The following RNF152 variants were observed in gnomAD, a reference collection of about 807,000 sequenced individuals.
RNF152 encodes the protein E3 ubiquitin-protein ligase RNF152.
In RNF152, 11 loss-of-function variants were observed where a neutral mutation model predicts 12.7. The observed-to-expected ratio is 0.86, with a 90% confidence interval of 0.54 to 1.43. The LOEUF is 1.43. RNF152 is among the 40% of genes most tolerant of loss of function. The pLI is 0.00. For synonymous variants in RNF152, 113 were observed against 120.3 expected (o/e 0.94, Z 0.40); for missense variants, 255 against 274.8 (o/e 0.93, Z 0.51).
chr18:61,838,061 A>C (rs1451188542), intron 1 of RNF152, among the ~76,000 whole-genome samples: 1 of 152,218 alleles, frequency 6.6e-6, no homozygotes. Context: ...CCGTCCCCAC[A>C]TACAAAGGTA....
At chr18:61,852,008 C>A (rs988826736) in intron 1 of RNF152, among the ~76,000 whole-genome samples, 1 of 152,156 alleles carries the variant, frequency 6.6e-6, no homozygotes, top group African/African-American at 2.4e-5. Context: ...CAAATGACGT[C>A]ACCTACTGTC....
chr18:61,848,220 T>C (rs894950336), intron 1 of RNF152, among the ~76,000 whole-genome samples: 6 of 152,114 alleles, frequency 3.9e-5, no homozygotes, highest in African/African-American at 1.4e-4. Context: ...GAGCGGGCTC[T>C]TACTAACTCT....
chr18:61,844,077 GGAAAGAAAGAAAGAAAGAAA>G (rs35978592), intron 1 of RNF152, among the ~76,000 whole-genome samples: 1,157 of 68,486 alleles, frequency 0.017, 12 homozygotes, highest in Middle Eastern at 0.053. Flanking sequence ...CAGAAAGAAA[GGAAAGAAAGAAAGAAAGAAA>G]GAAAGAAAGA....
intron 1 of RNF152, among the ~76,000 whole-genome samples, chr18:61,891,570 C>G (rs1912962516): frequency 1.3e-5 from 2 of 152,256 alleles, no homozygotes; most frequent in South Asian, 4.1e-4. Flanking sequence ...TCAAAAATAC[C>G]TCTATCTTAG....
At chr18:61,841,922 T>C (rs4389228) in intron 1 of RNF152, among the ~76,000 whole-genome samples, 58,002 of 152,086 alleles carry the variant, frequency 0.38, 12,294 homozygotes, top group Non-Finnish European at 0.49. Flanking sequence ...TCTACCACTG[T>C]AACAGAAAGC....
intron 1 of RNF152, among the ~76,000 whole-genome samples, chr18:61,890,953 A>G (rs933703313): frequency 6.6e-6 from 1 of 152,212 alleles, no homozygotes; most frequent in Non-Finnish European, 1.5e-5. Context: ...CTGGATGACC[A>G]TATTTTCTCT....
chr18:61,887,413 A>G (rs1463959076), intron 1 of RNF152, among the ~76,000 whole-genome samples: 2 of 151,936 alleles, frequency 1.3e-5, no homozygotes, highest in Non-Finnish European at 2.9e-5. Context: ...GAGCAGAAAC[A>G]GCAATAGTAA....
rs1374979312 is a variant in RNF152, at chr18:61,815,790, C to G, written c.*62G>C. ...TTGCCCCCCATCTTCTCACTGGGAT[C>G]TCATCATCAACCTGCTCAACCCCTA... On this transcript the variant is annotated 3_prime_UTR_variant, in exon 2 of 2. Coordinates refer to ENST00000312828, the MANE Select transcript of RNF152 (RefSeq NM_173557.3). 6.4e-7 allele frequency: 1 copy of G among 1,562,180 alleles called. No individual in the cohort carries two copies. The highest frequency in any genetic ancestry group is 1.2e-5 in the South Asian group (1 of 82,888).
intron 1 of RNF152, among the ~76,000 whole-genome samples, chr18:61,826,544 T>C (rs1208646261): frequency 1.3e-5 from 2 of 150,912 alleles, no homozygotes; most frequent in Non-Finnish European, 3.0e-5. Context: ...TCTGGGCACA[T>C]GTTGTATGCA....
intron 1 of RNF152, among the ~76,000 whole-genome samples, chr18:61,884,554 C>T (rs1912606864): frequency 6.6e-6 from 1 of 151,836 alleles, no homozygotes; most frequent in Admixed American, 6.6e-5. Context: ...AGGCATTCAA[C>T]ATTCTTTTGT....
intron 1 of RNF152, among the ~76,000 whole-genome samples, chr18:61,844,077 GGAAAGAAAGAAA>G (rs35978592): frequency 0.063 from 4,335 of 68,438 alleles, 110 homozygotes; most frequent in Admixed American, 0.074. Context: ...CAGAAAGAAA[GGAAAGAAAGAAA>G]GAAAGAAAGA....
intron 1 of RNF152, among the ~76,000 whole-genome samples, chr18:61,817,717 G>A (rs1909179145): frequency 6.6e-6 from 1 of 150,468 alleles, no homozygotes; most frequent in Non-Finnish European, 1.5e-5. Flanking sequence ...GGTTGACAGG[G>A]AAGTCTGGCA....
chr18:61,819,900 A>G (rs1909298336), intron 1 of RNF152, among the ~76,000 whole-genome samples: 1 of 151,936 alleles, frequency 6.6e-6, no homozygotes, highest in Non-Finnish European at 1.5e-5. Flanking sequence ...GGACACCTGT[A>G]ATCCCAGCTA....
chr18:61,808,871 T>C lies in RNF152; in HGVS notation c.*6981A>G, dbSNP rs1375745168. The C allele has an allele frequency of 2.0e-5, 3 of 152,166 alleles. No homozygotes were observed. The highest frequency in any genetic ancestry group is 6.5e-5 in the Admixed American group (1 of 15,284). The allele number at this position is 152,166 out of a possible 1,614,324, so 9.4% of individuals were successfully genotyped here. A position where few individuals can be genotyped will look rare whatever the true frequency, so the allele number is the denominator to read the frequency against. ...TAGAGCGGACTCTGAAATTGCCTAG[T>C]GTGCTAACAATCCAAACCACGAGCA... is the stretch of plus-strand genomic sequence containing the variant. On this transcript the variant is annotated 3_prime_UTR_variant, in exon 2 of 2. Coordinates refer to ENST00000312828, the MANE Select transcript of RNF152 (RefSeq NM_173557.3).
intron 1 of RNF152, among the ~76,000 whole-genome samples, chr18:61,821,710 T>A (rs1909421734): frequency 6.6e-6 from 1 of 152,116 alleles, no homozygotes; most frequent in Admixed American, 6.6e-5. Context: ...TAGCAGAAGG[T>A]CAGCAGCTGG....
chr18:61,875,229 G>C (rs1416887103), intron 1 of RNF152: 1 of 152,176 alleles, frequency 6.6e-6, no homozygotes, highest in Non-Finnish European at 1.5e-5. Context: ...GTATGAGAAG[G>C]GATCTTCCAA....
intron 1 of RNF152, among the ~76,000 whole-genome samples, chr18:61,889,231 T>C (rs1027867783): frequency 2.6e-5 from 4 of 152,212 alleles, no homozygotes; most frequent in Non-Finnish European, 4.4e-5. Context: ...CACTGTGACT[T>C]GGAGACTAAC....
At chr18:61,843,879 G>C (rs541333829) in intron 1 of RNF152, among the ~76,000 whole-genome samples, 1 of 151,944 alleles carries the variant, frequency 6.6e-6, no homozygotes, top group African/African-American at 2.4e-5. Context: ...ATGGATGGAA[G>C]TTATGGTTGT....
chr18:61,838,917 C>A (rs948804614), intron 1 of RNF152, among the ~76,000 whole-genome samples: 1 of 152,088 alleles, frequency 6.6e-6, no homozygotes, highest in Non-Finnish European at 1.5e-5. Context: ...CCCTGGAGAA[C>A]CTGCTTCTCT....
Sources: gnomAD v4.1 joint callset for allele counts (sites outside exome capture counted in the v4.1 genomes callset) on GRCh38, gnomAD v4.1.1 for gene constraint, MANE v1.5 for transcripts, NCBI Gene and HGNC (gene_info 2026-07-23, HGNC 2026-07-21) for gene names.